The following KANK1 variants were observed in gnomAD, a reference collection of about 807,000 sequenced individuals.
KANK1 encodes KN motif and ankyrin repeat domains 1.
Under a neutral mutation model 106.2 loss-of-function variants are expected in KANK1, and 109 were observed. The ratio of observed to expected loss-of-function variants is 1.03; its 90% CI spans 0.88 to 1.20. The LOEUF (loss-of-function observed/expected upper bound fraction) is 1.20. Among genes scored for constraint, KANK1 ranks in the 50% most tolerant of loss-of-function variants. KANK1 has a pLI of 0.00. For missense variants in KANK1, 2,399 were observed against 1,710.7 expected, an observed-to-expected ratio of 1.40 and a Z score of -7.10; for synonymous variants, 873 against 652.2, an observed-to-expected ratio of 1.34 and a Z score of -5.16.
intron 1 of KANK1, among the ~76,000 whole-genome samples, chr9:588,343 A>G (rs541375688): frequency 3.0e-4 from 46 of 152,320 alleles, no homozygotes; most frequent in African/African-American, 1.0e-3. Flanking sequence ...TACTTTTAGA[A>G]ATAACATTGC....
chr9:605,160 GT>G (rs1454641365), intron 1 of KANK1, among the ~76,000 whole-genome samples: 2 of 151,500 alleles, frequency 1.3e-5, no homozygotes, highest in African/African-American at 4.9e-5. Context: ...AATTAGCTGG[GT>G]GTGGTGGTAC....
chr9:519,625 T>A (rs1441689791), intron 1 of KANK1, among the ~76,000 whole-genome samples: 1 of 151,770 alleles, frequency 6.6e-6, no homozygotes, highest in Admixed American at 6.6e-5. Flanking sequence ...CGACCTCTCA[T>A]AAAATCCCAG....
chr9:607,819 G>A (rs1473784813), intron 1 of KANK1, among the ~76,000 whole-genome samples: 1 of 151,558 alleles, frequency 6.6e-6, no homozygotes, highest in African/African-American at 2.4e-5. Flanking sequence ...AAAAAGCGCC[G>A]AAATGGATGT....
intron 1 of KANK1, among the ~76,000 whole-genome samples, chr9:671,717 T>C (rs1392759377): frequency 6.6e-6 from 1 of 151,610 alleles, no homozygotes; most frequent in Non-Finnish European, 1.5e-5. Context: ...AGGAATAAGG[T>C]TGCAAATACA....
At chr9:554,654 A>G (rs1346809238) in intron 1 of KANK1, among the ~76,000 whole-genome samples, 3 of 152,220 alleles carry the variant, frequency 2.0e-5, no homozygotes, top group Non-Finnish European at 4.4e-5. Flanking sequence ...CATCAAATGA[A>G]TCTTCCATCA....
chr9:739,873 T>C (rs1158470750), intron 8 of KANK1, among the ~76,000 whole-genome samples: 3 of 152,026 alleles, frequency 2.0e-5, no homozygotes, highest in Non-Finnish European at 4.4e-5. Flanking sequence ...TCCGAGGTGC[T>C]AAGGAGCCCC....
At chr9:563,233 T>A (rs901032784) in intron 1 of KANK1, among the ~76,000 whole-genome samples, 5 of 152,144 alleles carry the variant, frequency 3.3e-5, no homozygotes, top group Admixed American at 2.0e-4. Flanking sequence ...AGAAAATAAT[T>A]TTATGTGTAG....
At chr9:743,335 C>T (rs1836198691) in intron 10 of KANK1, among the ~76,000 whole-genome samples, 1 of 152,202 alleles carries the variant, frequency 6.6e-6, no homozygotes, top group East Asian at 1.9e-4. Context: ...CACACTCAGC[C>T]ATCTCCACAG....
intron 1 of KANK1, among the ~76,000 whole-genome samples, chr9:630,811 G>A (rs565401236): frequency 2.6e-5 from 4 of 152,080 alleles, no homozygotes; most frequent in Admixed American, 6.5e-5. Context: ...GCTGAGGCAC[G>A]AGAATCACTT....
intron 2 of KANK1, among the ~76,000 whole-genome samples, chr9:695,339 ACC>A (rs1820972841): frequency 6.6e-6 from 1 of 152,078 alleles, no homozygotes; most frequent in Admixed American, 6.5e-5. Flanking sequence ...AGATATTTTA[ACC>A]TGGCCATAAT....
intron 1 of KANK1, among the ~76,000 whole-genome samples, chr9:620,106 T>A (rs1360949916): frequency 6.6e-6 from 1 of 150,544 alleles, no homozygotes; most frequent in African/African-American, 2.5e-5. Flanking sequence ...CACTCCAGCC[T>A]GGGCAACAGA....
intron 9 of KANK1, among the ~76,000 whole-genome samples, 161 bp downstream of exon 9, chr9:741,095 G>A (rs1835363983): frequency 6.6e-6 from 1 of 152,226 alleles, no homozygotes; most frequent in South Asian, 2.1e-4. Flanking sequence ...ACTCCTTGCT[G>A]ACCAAACATA....
chr9:482,174 T>C (rs1310384732), intron 3 of KANK1, among the ~76,000 whole-genome samples: 1 of 152,164 alleles, frequency 6.6e-6, no homozygotes, highest in African/African-American at 2.4e-5. Context: ...TATCCCAGCC[T>C]CACCGCCTGT....
At position 745,372 on chromosome 9, in the gene KANK1, C is replaced by A; in HGVS notation, c.*137C>A. The A allele has an allele frequency of 9.1e-7, 1 of 1,098,726 alleles. No individual in the cohort carries two copies. The highest frequency in any genetic ancestry group is 1.4e-6 in the Non-Finnish European group (1 of 737,032). 68.1% of individuals were successfully genotyped at this position (1,098,726 alleles called of 1,614,324 possible). ...GAAGCATCAAGCCCAGGGGTAAAGG[C>A]TGAAGCTTTCACAGTGCAGAGACTG... On this transcript the variant is annotated 3_prime_UTR_variant, in exon 12 of 12. Coordinates refer to ENST00000382297, the MANE Select transcript of KANK1 (RefSeq NM_015158.5).
At chr9:583,681 A>C (rs988441481) in intron 1 of KANK1, among the ~76,000 whole-genome samples, 1 of 149,938 alleles carries the variant, frequency 6.7e-6, no homozygotes, top group Non-Finnish European at 1.5e-5. Flanking sequence ...GATTAATATT[A>C]ATATATAAAT....
chr9:510,090 G>A (rs2058965990), intron 1 of KANK1, among the ~76,000 whole-genome samples: 1 of 152,178 alleles, frequency 6.6e-6, no homozygotes, highest in African/African-American at 2.4e-5. Flanking sequence ...TGGGATTACA[G>A]GTGTGAGCCA....
chr9:620,009 C>T (rs941801057), intron 1 of KANK1, among the ~76,000 whole-genome samples: 7 of 151,974 alleles, frequency 4.6e-5, no homozygotes, highest in Admixed American at 1.3e-4. Context: ...TGGTGGTGTG[C>T]GCCTGTAATC....
At chr9:576,946 T>TA (rs1820722651) in intron 1 of KANK1, among the ~76,000 whole-genome samples, 4 of 152,188 alleles carry the variant, frequency 2.6e-5, no homozygotes, top group Admixed American at 2.6e-4. Flanking sequence ...CGGTGAGTGT[T>TA]ACAGTTCTTA....
chr9:621,314 A>G (rs1405362257), intron 1 of KANK1, among the ~76,000 whole-genome samples: 3 of 152,196 alleles, frequency 2.0e-5, no homozygotes, highest in South Asian at 2.1e-4. Flanking sequence ...ATTTGGCCTT[A>G]TGAAGCATTG....
Sources: allele counts gnomAD v4.1 joint callset (sites outside exome capture counted in the v4.1 genomes callset), GRCh38; gene constraint gnomAD v4.1.1; transcripts MANE v1.5; gene names NCBI Gene and HGNC (gene_info 2026-07-23, HGNC 2026-07-21).